Variants in LRRC7 observed in about 807,000 individuals in gnomAD.
LRRC7 encodes leucine-rich repeat-containing protein 7.
A neutral mutation model predicts 175.7 loss-of-function variants in LRRC7; 23 were observed. The ratio of observed to expected loss-of-function variants is 0.13; its 90% confidence interval spans 0.09 to 0.19. The LOEUF (loss-of-function observed/expected upper bound fraction) is 0.19, where lower values mean the gene tolerates loss of function less well. Among genes scored for constraint, LRRC7 ranks in the 10% least tolerant of loss-of-function variants. The pLI, the probability that LRRC7 is intolerant of heterozygous loss-of-function variation, is 1.00. For synonymous variants in LRRC7, 685 were observed against 680.9 expected (o/e 1.01, Z -0.09); for missense variants, 1,354 against 1,904.7 (o/e 0.71, Z 5.38).
chr1:70,099,127 T>A (rs1427321879), intron 25 of LRRC7, among the ~76,000 whole-genome samples: 1 of 143,194 alleles, frequency 7.0e-6, no homozygotes, highest in Non-Finnish European at 1.5e-5. Flanking sequence ...TCCACCATGA[T>A]CAAGTGGGCT....
chr1:69,691,209 G>A (rs919006471), intron 2 of LRRC7, among the ~76,000 whole-genome samples: 44 of 152,008 alleles, frequency 2.9e-4, no homozygotes, highest in African/African-American at 9.9e-4. Flanking sequence ...TTTGTTTCTT[G>A]TTTCTCCCCC....
chr1:69,642,041 T>C (rs1654291535), intron 1 of LRRC7, among the ~76,000 whole-genome samples: 1 of 151,976 alleles, frequency 6.6e-6, no homozygotes, highest in Non-Finnish European at 1.5e-5. Context: ...ATTTAACTGA[T>C]GCTTAATATT....
chr1:69,685,455 G>A (rs914811372), intron 2 of LRRC7, among the ~76,000 whole-genome samples: 1 of 152,008 alleles, frequency 6.6e-6, no homozygotes, highest in Non-Finnish European at 1.5e-5. Context: ...TCATAAGAAT[G>A]CTTCAGGAGA....
intron 8 of LRRC7, among the ~76,000 whole-genome samples, chr1:69,962,720 C>A (rs1421848098): frequency 6.6e-6 from 1 of 152,088 alleles, no homozygotes; most frequent in Non-Finnish European, 1.5e-5. Context: ...CAAACTAACA[C>A]AGGAACAGAA....
rs533581572 is a variant in LRRC7, at chr1:69,853,756, C to T, written c.647+15473C>T. ...TATGAACTCAGCTGATTTAGGGAAG[C>T]AGACAGCTTTTTCCTTTTATAATAA... On this transcript the variant is annotated intron_variant, in intron 7 of 26. Transcript: ENST00000651989. 3.3e-5 allele frequency among the ~76,000 whole-genome samples: 5 copies of T among 152,238 alleles called. No individual in the cohort carries two copies. In the South Asian group the frequency reaches 8.3e-4, roughly 25 times the overall value.
At chr1:69,796,466 C>A (rs1469445286) in intron 4 of LRRC7, among the ~76,000 whole-genome samples, 1 of 152,052 alleles carries the variant, frequency 6.6e-6, no homozygotes, top group Non-Finnish European at 1.5e-5. Flanking sequence ...ACCCCATCAA[C>A]CAGACAGAGT....
At chr1:69,639,439 A>G (rs1404837446) in intron 1 of LRRC7, among the ~76,000 whole-genome samples, 1 of 151,836 alleles carries the variant, frequency 6.6e-6, no homozygotes, top group East Asian at 1.9e-4. Context: ...CATCAGCCTC[A>G]CAATTATACA....
At position 69,694,077 on chromosome 1, in the gene LRRC7, C is replaced by T. The variant is rs554859279; in HGVS notation, c.100+15599C>T. Among the ~76,000 whole-genome samples the T allele has an allele frequency of 1.4e-4, 22 of 152,230 alleles. No homozygotes were observed. In the South Asian group the frequency reaches 4.4e-3, roughly 30 times the overall value. ...TAATCCCATCCAGGAAAAAATTTCT[C>T]ATGAAGTCACCATCAAACCCAAGCC... On this transcript the variant is annotated intron_variant, in intron 2 of 26. Coordinates refer to ENST00000651989, the MANE Select transcript of LRRC7 (RefSeq NM_001370785.2).
At chr1:69,612,111 A>T (rs868119518) in intron 1 of LRRC7, among the ~76,000 whole-genome samples, 1 of 152,156 alleles carries the variant, frequency 6.6e-6, no homozygotes, top group African/African-American at 2.4e-5. Context: ...AATAATTCCT[A>T]TGCTACCCTA....
chr1:69,620,561 C>T (rs138144668), intron 1 of LRRC7, among the ~76,000 whole-genome samples: 26 of 152,252 alleles, frequency 1.7e-4, no homozygotes, highest in Admixed American at 1.7e-3. Context: ...ACAGCTACAT[C>T]GTGCTGCAAG....
intron 2 of LRRC7, among the ~76,000 whole-genome samples, chr1:69,747,164 C>A (rs562966226): frequency 5.9e-5 from 9 of 152,208 alleles, no homozygotes; most frequent in African/African-American, 2.2e-4. Context: ...GAGGTAGTGA[C>A]GTTTAGGACT....
At chr1:69,770,578 A>T (rs1336223018) in intron 3 of LRRC7, among the ~76,000 whole-genome samples, 1 of 152,224 alleles carries the variant, frequency 6.6e-6, no homozygotes, top group African/African-American at 2.4e-5. Context: ...TTGTATCACT[A>T]TAATTGCTGC....
At chr1:70,075,765 T>C (rs1267368040) in intron 23 of LRRC7, among the ~76,000 whole-genome samples, 1 of 152,366 alleles carries the variant, frequency 6.6e-6, no homozygotes, top group Admixed American at 6.5e-5. Context: ...TCCCCTTTAT[T>C]TTTAAGTTGC....
At chr1:70,115,049 G>T (rs552416947) in intron 26 of LRRC7, among the ~76,000 whole-genome samples, 8 of 152,258 alleles carry the variant, frequency 5.3e-5, no homozygotes, top group Non-Finnish European at 1.0e-4. Context: ...AGCAGAGAGA[G>T]ACTCTTTAAA....
intron 3 of LRRC7, among the ~76,000 whole-genome samples, chr1:69,781,806 G>T (rs1399357152): frequency 1.2e-5 from 1 of 83,692 alleles, no homozygotes; most frequent in Non-Finnish European, 2.3e-5. Flanking sequence ...AGGAAGGAAG[G>T]AAGGAAGGAA....
chr1:69,727,462 C>G (rs1391197317), intron 2 of LRRC7, among the ~76,000 whole-genome samples: 1 of 152,266 alleles, frequency 6.6e-6, no homozygotes, highest in East Asian at 1.9e-4. Flanking sequence ...ACTTCTTTTA[C>G]TTATATGTCC....
chr1:69,665,500 A>G (rs1658134764), intron 1 of LRRC7, among the ~76,000 whole-genome samples: 1 of 152,054 alleles, frequency 6.6e-6, no homozygotes, highest in African/African-American at 2.4e-5. Context: ...AAATCTTTGT[A>G]TTAATGTTTT....
At chr1:69,912,655 G>A (rs534597689) in intron 7 of LRRC7, among the ~76,000 whole-genome samples, 173 of 152,226 alleles carry the variant, frequency 1.1e-3, no homozygotes, top group African/African-American at 4.0e-3. Context: ...CTGTGTAATC[G>A]TGAGTTAGGA....
At chr1:69,907,113 A>G in intron 7 of LRRC7, among the ~76,000 whole-genome samples, 1 of 152,112 alleles carries the variant, frequency 6.6e-6, no homozygotes, top group Non-Finnish European at 1.5e-5. Context: ...TTGATTTTAT[A>G]TCCTGAGACT....
Sources: gnomAD v4.1 joint callset for allele counts (sites outside exome capture counted in the v4.1 genomes callset) on GRCh38, gnomAD v4.1.1 for gene constraint, MANE v1.5 for transcripts, NCBI Gene and HGNC (gene_info 2026-07-23, HGNC 2026-07-21) for gene names.